ME1: variants seen among roughly 807,000 people sequenced by gnomAD.
The protein encoded by ME1 is NADP-dependent malic enzyme.
Under a neutral mutation model 66.4 loss-of-function variants are expected in ME1, and 74 were observed. The ratio of observed to expected loss-of-function variants is 1.11; its 90% CI spans 0.92 to 1.35. The LOEUF (loss-of-function observed/expected upper bound fraction) is 1.35. Among genes scored for constraint, ME1 ranks in the 40% most tolerant of loss-of-function variants. ME1 has a pLI of 0.00. For missense variants in ME1, 750 were observed against 694.1 expected, an observed-to-expected ratio of 1.08 and a Z score of -0.90; for synonymous variants, 251 against 235.6, an observed-to-expected ratio of 1.07 and a Z score of -0.60.
At chr6:83,365,094 G>T (rs1277860463) in intron 3 of ME1, among the ~76,000 whole-genome samples, 1 of 152,054 alleles carries the variant, frequency 6.6e-6, no homozygotes, top group Non-Finnish European at 1.5e-5. Context: ...CAACCTATGT[G>T]GGTGTTCTTT....
At chr6:83,414,203 T>A (rs1204765753) in intron 1 of ME1, among the ~76,000 whole-genome samples, 1 of 151,454 alleles carries the variant, frequency 6.6e-6, no homozygotes, top group East Asian at 1.9e-4. Flanking sequence ...AGATGACATA[T>A]GTATTTACAC....
At chr6:83,304,527 T>C (rs531513667) in intron 6 of ME1, among the ~76,000 whole-genome samples, 2 of 152,302 alleles carry the variant, frequency 1.3e-5, no homozygotes, top group African/African-American at 2.4e-5. Flanking sequence ...CTTATTTTGT[T>C]TTCTATTCAC....
At chr6:83,275,687 G>A (rs954744357) in intron 6 of ME1, among the ~76,000 whole-genome samples, 5 of 146,030 alleles carry the variant, frequency 3.4e-5, no homozygotes, top group African/African-American at 1.3e-4. Context: ...GGATGGTCTC[G>A]ATCTCCTGAC....
intron 13 of ME1, 38 bp from the exon 14 acceptor site, chr6:83,212,132 T>C: frequency 1.4e-6 from 2 of 1,470,040 alleles, no homozygotes; most frequent in Non-Finnish European, 9.2e-7. Context: ...TTTTAATAAA[T>C]AGAGGTAATC....
rs536134817 is a variant in ME1, at chr6:83,295,025, G to A, written c.704+20285C>T. ...AATAGGAGAGGAACCCACTTTCAGA[G>A]CATTAAGAGGGAGCATGGCTGCAAC... is the stretch of plus-strand genomic sequence containing the variant. On this transcript the variant is annotated intron_variant, in intron 6 of 13. Transcript: ENST00000369705. Among the ~76,000 whole-genome samples, 8 of 152,334 alleles carry A rather than the reference G, an allele frequency of 5.3e-5. No individual in the cohort carries two copies. In the South Asian group the frequency reaches 1.7e-3, roughly 32 times the overall value.
chr6:83,250,187 T>A (rs912084516), intron 7 of ME1, among the ~76,000 whole-genome samples: 2 of 151,024 alleles, frequency 1.3e-5, no homozygotes, highest in African/African-American at 2.4e-5. Flanking sequence ...TGTTTTTTTT[T>A]ATTTTCCTCA....
intron 5 of ME1, among the ~76,000 whole-genome samples, chr6:83,325,199 T>C (rs994544453): frequency 2.6e-5 from 4 of 152,176 alleles, no homozygotes; most frequent in African/African-American, 7.2e-5. Flanking sequence ...AAACTAGGTA[T>C]TGATGAAACA....
chr6:83,424,393 A>G (rs1770330053), intron 1 of ME1, among the ~76,000 whole-genome samples: 1 of 152,196 alleles, frequency 6.6e-6, no homozygotes, highest in Non-Finnish European at 1.5e-5. Context: ...AAAATGGAAT[A>G]ATAAAAATAT....
At chr6:83,413,096 T>C (rs1181620558) in intron 1 of ME1, among the ~76,000 whole-genome samples, 1 of 152,210 alleles carries the variant, frequency 6.6e-6, no homozygotes, top group Non-Finnish European at 1.5e-5. Context: ...ATATTCCACC[T>C]CCTAGGCTCA....
intron 6 of ME1, among the ~76,000 whole-genome samples, chr6:83,279,745 A>G (rs906032736): frequency 6.6e-5 from 10 of 152,224 alleles, no homozygotes; most frequent in Admixed American, 5.9e-4. Flanking sequence ...ATTTTACAAA[A>G]TTAATGACAG....
chr6:83,406,022 A>G (rs1769937158), intron 2 of ME1, among the ~76,000 whole-genome samples: 1 of 152,146 alleles, frequency 6.6e-6, no homozygotes, highest in South Asian at 2.1e-4. Context: ...CACCCGGCCA[A>G]GAGTTTTTAA....
At chr6:83,379,532 T>G (rs1310068463) in intron 3 of ME1, among the ~76,000 whole-genome samples, 1 of 152,080 alleles carries the variant, frequency 6.6e-6, no homozygotes, top group Non-Finnish European at 1.5e-5. Context: ...AACACCGTTT[T>G]CAGTAATTTT....
rs555200870 is a variant in ME1, at chr6:83,426,655, C to T, written c.78+4222G>A. On this transcript the variant is annotated intron_variant, in intron 1 of 13. Transcript: ENST00000369705. ...ACACACCCAACTAGGTCTTGTCATG[C>T]CAGGAAACAAACAGCTACAAAAGCT... Among the ~76,000 whole-genome samples, 11 of 152,180 alleles carry T rather than the reference C, an allele frequency of 7.2e-5. No individual in the cohort carries two copies. The South Asian group carries it at 2.3e-3, about 32-fold the overall frequency.
At position 83,211,603 on chromosome 6, in the gene ME1, T is replaced by A. The variant is rs1789871872; in HGVS notation, c.*321A>T. On this transcript the variant is annotated 3_prime_UTR_variant, in exon 14 of 14. Coordinates refer to ENST00000369705, the MANE Select transcript of ME1 (RefSeq NM_002395.6). The stretch of plus-strand genomic sequence containing the variant: ...GAGTTTTAATGTTGGTTATGTCAAT[T>A]TATTAGTAATTTTGGTCTTCCCATT... 1.2e-5 allele frequency: 2 copies of A among 172,140 alleles called. No individual in the cohort carries two copies. Among genetic ancestry groups the A allele is most frequent in the Non-Finnish European group, 2.4e-5 (2 of 81,770 alleles). 10.7% of individuals were successfully genotyped at this position (172,140 alleles called of 1,614,324 possible).
chr6:83,309,079 G>A (rs1482709185), intron 6 of ME1, among the ~76,000 whole-genome samples: 3 of 152,102 alleles, frequency 2.0e-5, no homozygotes, highest in Non-Finnish European at 4.4e-5. Context: ...TGTGAGAAAG[G>A]TAACAGGAAG....
intron 6 of ME1, among the ~76,000 whole-genome samples, chr6:83,299,366 A>G (rs938111013): frequency 6.6e-6 from 1 of 152,086 alleles, no homozygotes; most frequent in Non-Finnish European, 1.5e-5. Flanking sequence ...TCTTTATAGC[A>G]GTTGCAAATG....
intron 6 of ME1, among the ~76,000 whole-genome samples, chr6:83,279,797 T>G (rs1767256220): frequency 6.6e-6 from 1 of 151,982 alleles, no homozygotes; most frequent in African/African-American, 2.4e-5. Context: ...AACATCATGC[T>G]GTATAAATAC....
At chr6:83,315,246 AT>A (rs2128539212) in intron 6 of ME1, 63 bp downstream of exon 6, 1 of 991,918 alleles carries the variant, frequency 1.0e-6, no homozygotes, top group East Asian at 2.4e-5. Context: ...TAAATCTTGG[AT>A]TTTTTAATAG....
At chr6:83,222,278 C>CT (rs1790108530) in intron 12 of ME1, among the ~76,000 whole-genome samples, 1 of 152,076 alleles carries the variant, frequency 6.6e-6, no homozygotes, top group East Asian at 1.9e-4. Flanking sequence ...AGCTGGCATG[C>CT]TTTTTAATGC....
Sources: allele counts gnomAD v4.1 joint callset (sites outside exome capture counted in the v4.1 genomes callset), GRCh38; gene constraint gnomAD v4.1.1; transcripts MANE v1.5; gene names NCBI Gene and HGNC (gene_info 2026-07-23, HGNC 2026-07-21).